The following WAPL variants were observed in gnomAD, a reference collection of about 807,000 sequenced individuals.
The protein encoded by WAPL is wings apart-like protein homolog.
A neutral mutation model predicts 121.0 loss-of-function variants in WAPL; 5 were observed. That is an observed-to-expected ratio of 0.04 (90% CI 0.02 to 0.09). The LOEUF (loss-of-function observed/expected upper bound fraction) is 0.09. Ranked by LOEUF, WAPL falls within the 10% of genes least tolerant of loss-of-function variation. The pLI is 1.00. For synonymous variants in WAPL, 480 were observed against 481.5 expected, an observed-to-expected ratio of 1.00 and a Z score of 0.04; for missense variants, 999 against 1,410.8, an observed-to-expected ratio of 0.71 and a Z score of 4.68.
At chr10:86,478,892 T>C (rs1012924691) in intron 4 of WAPL, among the ~76,000 whole-genome samples, 13 of 152,048 alleles carry the variant, frequency 8.5e-5, no homozygotes, top group Middle Eastern at 3.4e-3. Context: ...GTCAGGAGTT[T>C]GAGACCAGGC....
rs567824205 is a variant in WAPL at position 86,445,378 on chromosome 10, G to A, written c.3322+864C>T. ...TGTGGAACCCACATGTATGGAGGGC[G>A]GACTGAACTTAAATTCATAACCTTA... On this transcript the variant is annotated intron_variant, in intron 16 of 18. Coordinates refer to ENST00000298767, the MANE Select transcript of WAPL (RefSeq NM_015045.5). 5.3e-5 allele frequency among the ~76,000 whole-genome samples: 8 copies of A among 152,238 alleles called. No homozygotes were observed. In the East Asian group the frequency reaches 1.2e-3, roughly 22 times the overall value.
chr10:86,460,367 A>G (rs761489292), intron 11 of WAPL, 32 bp downstream of exon 11: 39 of 1,567,394 alleles, frequency 2.5e-5, no homozygotes, highest in Non-Finnish European at 3.2e-5. Flanking sequence ...TTAAGACTGA[A>G]TAATTTTTGC....
At chr10:86,458,760 T>G (rs1207918434) in intron 12 of WAPL, among the ~76,000 whole-genome samples, 1 of 152,200 alleles carries the variant, frequency 6.6e-6, no homozygotes. Flanking sequence ...GCTTGATTTG[T>G]ACATTACAAA....
rs1841242991 is a variant in WAPL, at chr10:86,460,457, T to A, written c.2522A>T (p.Glu841Val). ...CCATAGTGAGGCTACCAGTTTCTCT[T>A]CATCCTCATCTCTACTTAAATGATC... ...CVDHLSRDED[E>V]EKLVASLWGA... The change falls in exon 11 of 19, where the codon GAA (glutamate) becomes GTA (valine). Residue 841 changes from glutamate (E) to valine (V), a missense_variant. Glu to Val is a moderately radical substitution (Grantham distance 121). This residue lies in a region of WAPL where 118 missense variants were observed against 318.3 expected (regional missense o/e 0.37). Coordinates refer to ENST00000298767, the MANE Select transcript of WAPL (RefSeq NM_015045.5). The A allele has an allele frequency of 6.2e-7, 1 of 1,613,638 alleles. No individual in the cohort carries two copies. Among genetic ancestry groups the A allele is most frequent in the South Asian group, 1.1e-5 (1 of 91,024 alleles).
chr10:86,471,741 T>C (rs1564572357), intron 7 of WAPL, among the ~76,000 whole-genome samples: 1 of 152,150 alleles, frequency 6.6e-6, no homozygotes, highest in African/African-American at 2.4e-5. Context: ...GCTCAAGCCA[T>C]CCTGCCACCT....
In WAPL at chr10:86,471,345, G is replaced by T. The variant is rs529550374; in HGVS notation, c.2031-242C>A. ...TAATTGTCTTTAGTGCATTCCTTAC[G>T]TTACTACTACCACCATTAAAAGCTT... On this transcript the variant is annotated intron_variant, in intron 7 of 18. Transcript: ENST00000298767. 2.0e-5 allele frequency among the ~76,000 whole-genome samples: 3 copies of T among 152,122 alleles called. 1 individual carries two copies. In the South Asian group the frequency reaches 6.2e-4, roughly 32 times the overall value.
intron 4 of WAPL, among the ~76,000 whole-genome samples, chr10:86,475,608 T>C (rs747331880): frequency 6.6e-6 from 1 of 152,246 alleles, no homozygotes; most frequent in Non-Finnish European, 1.5e-5. Context: ...GATGATGCAT[T>C]AGCAATCTGA....
intron 4 of WAPL, among the ~76,000 whole-genome samples, chr10:86,493,125 AAG>A (rs1589528287): frequency 6.6e-6 from 1 of 152,032 alleles, no homozygotes; most frequent in African/African-American, 2.4e-5. Flanking sequence ...GTTCAAAACT[AAG>A]AGAGACATAA....
At chr10:86,451,808 G>T (rs982738604) in intron 15 of WAPL, among the ~76,000 whole-genome samples, 159 bp downstream of exon 15, 1 of 152,166 alleles carries the variant, frequency 6.6e-6, no homozygotes, top group African/African-American at 2.4e-5. Context: ...CCCCAGCAGA[G>T]ACATGCTTCA....
Position 86,499,745 on chromosome 10 carries a change from C to G in WAPL, c.1498G>C (p.Asp500His). 2 of 1,594,318 alleles carry G rather than the reference C, an allele frequency of 1.3e-6. No individual in the cohort carries two copies. Among genetic ancestry groups the G allele is most frequent in the Non-Finnish European group, 1.7e-6 (2 of 1,173,876 alleles). The change falls in exon 3 of 19, where the codon GAC becomes CAC. Residue 500 changes from aspartate to histidine, a missense_variant. Asp to His is a moderately conservative substitution (Grantham distance 81). Transcript: ENST00000298767. Reference sequence around the variant, plus strand: ...GCATTGTTAGTACCAGACTGACTGTCCTGGGAATTATCATTGCTTTCTGGG... The same window carrying G: ...GCATTGTTAGTACCAGACTGACTGTGCTGGGAATTATCATTGCTTTCTGGG... ...PPPESNDNSQ[D>H]SQSGTNNAEN...
intron 2 of WAPL, among the ~76,000 whole-genome samples, chr10:86,509,633 C>T (rs180676653): frequency 3.3e-5 from 5 of 152,258 alleles, no homozygotes; most frequent in East Asian, 1.9e-4. Flanking sequence ...GAGGCATCCC[C>T]GTAGACCTTC....
intron 12 of WAPL, among the ~76,000 whole-genome samples, chr10:86,454,534 C>T (rs939809490): frequency 6.6e-5 from 10 of 152,264 alleles, no homozygotes; most frequent in Non-Finnish European, 1.2e-4. Flanking sequence ...GGCGCCGCCA[C>T]ACCTGACTGG....
Position 86,438,231 on chromosome 10 carries a change from G to C in WAPL, c.3412-216C>G, listed in dbSNP as rs1280295409. Among the ~76,000 whole-genome samples, 3 of 148,534 alleles carry C rather than the reference G, an allele frequency of 2.0e-5. No individual in the cohort carries two copies. The South Asian group carries it at 6.4e-4, about 32-fold the overall frequency. On this transcript the variant is annotated intron_variant, in intron 17 of 18. Transcript: ENST00000298767. Reference sequence around the variant, plus strand: ...AGGTAAAGTTGGCAAAAGCTACAAAGAAATATTTGTGTACACATTTACTTT... The same window carrying C: ...AGGTAAAGTTGGCAAAAGCTACAAACAAATATTTGTGTACACATTTACTTT...
chr10:86,496,993 C>A (rs891547419), intron 4 of WAPL, among the ~76,000 whole-genome samples: 4 of 151,952 alleles, frequency 2.6e-5, no homozygotes, highest in African/African-American at 9.7e-5. Flanking sequence ...GAAAGTAATG[C>A]CACTGACTTG....
intron 17 of WAPL, 78 bp from the exon 18 acceptor site, chr10:86,438,093 GAC>G: frequency 1.8e-6 from 2 of 1,086,882 alleles, no homozygotes; most frequent in Non-Finnish European, 2.7e-6. Context: ...TGTTGGTTTT[GAC>G]ACACATCTTG....
intron 4 of WAPL, among the ~76,000 whole-genome samples, chr10:86,490,173 C>T (rs1842015048): frequency 1.3e-5 from 2 of 151,438 alleles, no homozygotes; most frequent in South Asian, 2.1e-4. Context: ...AAGATCGCGT[C>T]GCCACACTCC....
chr10:86,518,165 C>T, intron 1 of WAPL, 74 bp from the exon 2 acceptor site: 1 of 1,397,770 alleles, frequency 7.2e-7, no homozygotes, highest in Non-Finnish European at 9.5e-7. Context: ...AAATAAAAAC[C>T]TAGGGATTCT....
At chr10:86,461,464 A>T (rs960749997) in intron 9 of WAPL, among the ~76,000 whole-genome samples, 177 bp from the exon 10 acceptor site, 5 of 152,144 alleles carry the variant, frequency 3.3e-5, no homozygotes, top group Admixed American at 6.6e-5. Context: ...TTTTTTAACC[A>T]GCTTTTCATA....
At chr10:86,442,386 A>G (rs938347879) in intron 17 of WAPL, among the ~76,000 whole-genome samples, 1 of 152,254 alleles carries the variant, frequency 6.6e-6, no homozygotes, top group South Asian at 2.1e-4. Flanking sequence ...AAAAAGCTCA[A>G]CAAGTATTTT....
Sources: gnomAD v4.1 joint callset for allele counts (sites outside exome capture counted in the v4.1 genomes callset) on GRCh38, gnomAD v4.1.1 for gene constraint, gnomAD v4.1.1 regional missense constraint, MANE v1.5 for transcripts, NCBI Gene and HGNC (gene_info 2026-07-23, HGNC 2026-07-21) for gene names.